Variants in MANEA observed in about 807,000 individuals in gnomAD.
MANEA encodes glycoprotein endo-alpha-1,2-mannosidase.
MANEA carries 25 observed loss-of-function variants against 36.8 expected under a neutral mutation model. The ratio of observed to expected loss-of-function variants is 0.68; its 90% CI spans 0.50 to 0.95. MANEA has a LOEUF of 0.95. Among genes scored for constraint, MANEA ranks in the 40% least tolerant of loss-of-function variants. The pLI is 0.00. For missense variants in MANEA, 565 were observed against 558.8 expected, an observed-to-expected ratio of 1.01 and a Z score of -0.11; for synonymous variants, 198 against 188.5, an observed-to-expected ratio of 1.05 and a Z score of -0.41.
In MANEA at chr6:95,606,516, T is replaced by C; in HGVS notation, c.*111T>C. On this transcript the variant is annotated 3_prime_UTR_variant, in exon 5 of 5. Coordinates refer to ENST00000358812, the MANE Select transcript of MANEA (RefSeq NM_024641.4). Reference sequence around the variant, plus strand: ...AAATCAGTATATACTATTAGTTATATTTAAAAATATTTTTTTAAATTCTTT... The same window carrying C: ...AAATCAGTATATACTATTAGTTATACTTAAAAATATTTTTTTAAATTCTTT... 1.9e-6 allele frequency: 1 copy of C among 532,452 alleles called. No homozygotes were observed. Among genetic ancestry groups the C allele is most frequent in the South Asian group, 6.7e-5 (1 of 15,034 alleles). The allele number at this position is 532,452 out of a possible 1,614,324, so 33.0% of individuals were successfully genotyped here.
At chr6:95,592,575 A>G (rs567817824) in intron 2 of MANEA, among the ~76,000 whole-genome samples, 1 of 152,294 alleles carries the variant, frequency 6.6e-6, no homozygotes, top group African/African-American at 2.4e-5. Flanking sequence ...TTTAGTTTGA[A>G]AGAATGTTTG....
At position 95,584,975 on chromosome 6, in the gene MANEA, T is replaced by C. The variant is rs73548673; in HGVS notation, c.-38-1427T>C. Among the ~76,000 whole-genome samples, 1,406 of 152,324 alleles carry C rather than the reference T, an allele frequency of 9.2e-3. 23 individuals carry two copies. Among genetic ancestry groups the C allele is most frequent in the African/African-American group, 0.033 (1,352 of 41,564 alleles). On this transcript the variant is annotated intron_variant, in intron 1 of 4. Coordinates refer to ENST00000358812, the MANE Select transcript of MANEA (RefSeq NM_024641.4). Reference sequence around the variant, plus strand: ...TTTTCTATTGGAGTTAAGTCTTTTTTAACTTAATTCTCTATAATAACAGCA... The same window carrying C: ...TTTTCTATTGGAGTTAAGTCTTTTTCAACTTAATTCTCTATAATAACAGCA...
intron 2 of MANEA, among the ~76,000 whole-genome samples, chr6:95,594,003 A>C (rs1004271761): frequency 9.2e-5 from 14 of 152,058 alleles, no homozygotes; most frequent in African/African-American, 3.4e-4. Context: ...CGGAGGTTGC[A>C]GTGAGCTGAG....
intron 1 of MANEA, among the ~76,000 whole-genome samples, chr6:95,581,777 A>G (rs1372141078): frequency 6.6e-6 from 1 of 152,140 alleles, no homozygotes; most frequent in Non-Finnish European, 1.5e-5. Context: ...ATGCCTTACT[A>G]ATTTATAAAT....
intron 3 of MANEA, among the ~76,000 whole-genome samples, chr6:95,602,441 T>C (rs1374743303): frequency 6.6e-6 from 1 of 151,978 alleles, no homozygotes; most frequent in East Asian, 1.9e-4. Context: ...AGGTAGAGAA[T>C]AGAGTTGGAG....
At chr6:95,588,426 G>T (rs1197774024) in intron 2 of MANEA, among the ~76,000 whole-genome samples, 2 of 151,932 alleles carry the variant, frequency 1.3e-5, no homozygotes, top group Non-Finnish European at 2.9e-5. Flanking sequence ...TAACTTTATA[G>T]TATAGTTAGA....
Position 95,606,461 on chromosome 6 carries a change from T to A in MANEA, c.*56T>A, listed in dbSNP as rs1004655251. 7.6e-6 allele frequency: 10 copies of A among 1,316,348 alleles called. No homozygotes were observed. Among genetic ancestry groups the A allele is most frequent in the African/African-American group, 1.5e-5 (1 of 67,484 alleles). The allele number at this position is 1,316,348 out of a possible 1,614,324, so 81.5% of individuals were successfully genotyped here. A position where few individuals can be genotyped will look rare whatever the true frequency, so the allele number is the denominator to read the frequency against. Reference sequence around the variant, plus strand: ...ATCACCTAATTTTTAAAAATAGCTTTCGTTTTGAGTTCTGGAAAGAAAACT... The same window carrying A: ...ATCACCTAATTTTTAAAAATAGCTTACGTTTTGAGTTCTGGAAAGAAAACT... On this transcript the variant is annotated 3_prime_UTR_variant, in exon 5 of 5. Coordinates refer to ENST00000358812, the MANE Select transcript of MANEA (RefSeq NM_024641.4).
intron 3 of MANEA, among the ~76,000 whole-genome samples, chr6:95,602,570 A>C (rs1370523621): frequency 2.6e-5 from 4 of 152,252 alleles, no homozygotes; most frequent in Middle Eastern, 6.8e-3. Context: ...AAAACATGAA[A>C]TGAGGGAATG....
At chr6:95,603,439 T>C (rs1161541960) in intron 3 of MANEA, among the ~76,000 whole-genome samples, 1 of 152,196 alleles carries the variant, frequency 6.6e-6, no homozygotes, top group Non-Finnish European at 1.5e-5. Context: ...GTTACTACCC[T>C]GGCAATACTA....
At position 95,604,813 on chromosome 6, in the gene MANEA, A is replaced by G; in HGVS notation, c.655-14A>G. The G allele has an allele frequency of 1.6e-6, 2 of 1,230,410 alleles. No homozygotes were observed. The highest frequency in any genetic ancestry group is 2.3e-6 in the Non-Finnish European group (2 of 886,488). 76.2% of individuals were successfully genotyped at this position (1,230,410 alleles called of 1,614,324 possible). A position where few individuals can be genotyped will look rare whatever the true frequency, so the allele number is the denominator to read the frequency against. On this transcript the variant is annotated splice_polypyrimidine_tract_variant and intron_variant, in intron 3 of 4. Coordinates refer to ENST00000358812, the MANE Select transcript of MANEA (RefSeq NM_024641.4). ...GATAATTTATCCCCTAACTGATTTT[A>G]TTGTTTGTTTTAGGTTACTTTTCAC...
intron 2 of MANEA, among the ~76,000 whole-genome samples, chr6:95,595,686 T>C (rs542515868): frequency 6.6e-6 from 1 of 152,200 alleles, no homozygotes; most frequent in East Asian, 1.9e-4. Context: ...ATCTTTCTAA[T>C]GACTGTCCAT....
At chr6:95,585,308 G>A (rs899222136) in intron 1 of MANEA, among the ~76,000 whole-genome samples, 4 of 152,166 alleles carry the variant, frequency 2.6e-5, no homozygotes, top group Admixed American at 6.5e-5. Context: ...TTTCAGAGTC[G>A]TAAGTTAATT....
chr6:95,586,090 A>ATAT (rs1226548121), intron 1 of MANEA, among the ~76,000 whole-genome samples: 3 of 152,244 alleles, frequency 2.0e-5, no homozygotes, highest in Non-Finnish European at 2.9e-5. Flanking sequence ...AATCTGTTCA[A>ATAT]GTAATGAAAA....
Position 95,586,027 on chromosome 6 carries a change from G to T in MANEA, c.-38-375G>T, listed in dbSNP as rs189815196. Among the ~76,000 whole-genome samples, 416 of 152,222 alleles carry T rather than the reference G, an allele frequency of 2.7e-3. 1 individual carries two copies. The highest frequency in any genetic ancestry group is 9.2e-3 in the African/African-American group (381 of 41,552). ...TAAATAAATAAATGATTTTTAAACAGAATTTTAGTTCACATACATAGAATG... is the reference window on the plus strand; with the variant it reads ...TAAATAAATAAATGATTTTTAAACATAATTTTAGTTCACATACATAGAATG... On this transcript the variant is annotated intron_variant, in intron 1 of 4. Coordinates refer to ENST00000358812, the MANE Select transcript of MANEA (RefSeq NM_024641.4).
rs373276706 is a variant in MANEA at position 95,585,682 on chromosome 6, TA to T, written c.-38-714del. On this transcript the variant is annotated intron_variant, in intron 1 of 4. Transcript: ENST00000358812. ...TATTCTTTTTTTCTCTACTGTCATT[TA>T]AAAAATTTTGTCTGATTCTATTTCA... Among the ~76,000 whole-genome samples the T allele has an allele frequency of 1.8e-4, 28 of 152,356 alleles. No individual in the cohort carries two copies. The East Asian group carries it at 4.0e-3, about 22-fold the overall frequency.
At chr6:95,601,152 G>A (rs760634182) in intron 3 of MANEA, among the ~76,000 whole-genome samples, 19 of 152,194 alleles carry the variant, frequency 1.2e-4, no homozygotes, top group Non-Finnish European at 2.4e-4. Context: ...GTTTGCTAGA[G>A]CAAAGGCTGT....
intron 1 of MANEA, among the ~76,000 whole-genome samples, chr6:95,585,933 CAGG>C (rs1769271555): frequency 6.6e-6 from 1 of 152,024 alleles, no homozygotes; most frequent in Non-Finnish European, 1.5e-5. Context: ...GAGGCTGAGA[CAGG>C]AGGATCGCTT....
At chr6:95,598,250 C>T (rs185454878) in intron 3 of MANEA, among the ~76,000 whole-genome samples, 1 of 152,208 alleles carries the variant, frequency 6.6e-6, no homozygotes, top group Non-Finnish European at 1.5e-5. Context: ...TATTCCAAAA[C>T]TTGGTAGCTT....
Position 95,585,135 on chromosome 6 carries a change from CATAT to C in MANEA, c.-38-1253_-38-1250del, listed in dbSNP as rs60159619. Among the ~76,000 whole-genome samples, 119 of 150,216 alleles carry C rather than the reference CATAT, an allele frequency of 7.9e-4. No homozygotes were observed. In the East Asian group the frequency reaches 0.012, roughly 15 times the overall value. On this transcript the variant is annotated intron_variant, in intron 1 of 4. Coordinates refer to ENST00000358812, the MANE Select transcript of MANEA (RefSeq NM_024641.4). ...GTATATGTACCTATATACTTATACT[CATAT>C]ATATATATATATACACACACAACAA...
Sources: allele counts gnomAD v4.1 joint callset (sites outside exome capture counted in the v4.1 genomes callset), GRCh38; gene constraint gnomAD v4.1.1; transcripts MANE v1.5; gene names NCBI Gene and HGNC (gene_info 2026-07-23, HGNC 2026-07-21).